The following CCDC192 variants were observed in gnomAD, a reference collection of about 807,000 sequenced individuals.
The protein encoded by CCDC192 is coiled-coil domain-containing protein 192.
chr5:127,725,139 T>G (rs1051145417), intron 2 of CCDC192, among the ~76,000 whole-genome samples: 2 of 152,202 alleles, frequency 1.3e-5, no homozygotes, highest in African/African-American at 4.8e-5. Flanking sequence ...ATATATGCAA[T>G]TAGCAAAAGA....
At chr5:127,809,344 TC>T (rs1225884217) in intron 5 of CCDC192, among the ~76,000 whole-genome samples, 9 of 152,292 alleles carry the variant, frequency 5.9e-5, no homozygotes, top group Non-Finnish European at 8.8e-5. Context: ...AGTTCTAACT[TC>T]CCATGCAATA....
At chr5:127,753,768 C>G (rs749497148) in intron 2 of CCDC192, among the ~76,000 whole-genome samples, 3 of 151,748 alleles carry the variant, frequency 2.0e-5, no homozygotes, top group African/African-American at 4.8e-5. Context: ...TAGCCAGGCT[C>G]TGGGGAAGAA....
At chr5:127,706,314 G>A (rs991094714) in intron 1 of CCDC192, among the ~76,000 whole-genome samples, 5 of 152,036 alleles carry the variant, frequency 3.3e-5, no homozygotes, top group Non-Finnish European at 5.9e-5. Flanking sequence ...GGATCATGAG[G>A]TTAAGAGATC....
In CCDC192 at chr5:127,854,712, G is replaced by T. The variant is rs182605785; in HGVS notation, c.412-20826G>T. On this transcript the variant is annotated intron_variant, in intron 5 of 6. Transcript: ENST00000514853. ...ACACGCATACCTCAGAGATACTGCA[G>T]GTTTGATTCCATACCACCACAGTAA... Among the ~76,000 whole-genome samples, 521 of 152,184 alleles carry T rather than the reference G, an allele frequency of 3.4e-3. 5 individuals carry two copies. The highest frequency in any genetic ancestry group is 0.014 in the Middle Eastern group (4 of 294).
intron 5 of CCDC192, among the ~76,000 whole-genome samples, chr5:127,809,000 G>C (rs1757939989): frequency 6.6e-6 from 1 of 152,058 alleles, no homozygotes; most frequent in Admixed American, 6.6e-5. Flanking sequence ...AAGATACTAA[G>C]AGATTTATTT....
At chr5:127,822,262 C>T (rs2127022177) in intron 5 of CCDC192, among the ~76,000 whole-genome samples, 1 of 152,292 alleles carries the variant, frequency 6.6e-6, no homozygotes, top group East Asian at 1.9e-4. Flanking sequence ...CTGAAGAAAG[C>T]CTTTTCTATT....
intron 5 of CCDC192, among the ~76,000 whole-genome samples, chr5:127,834,579 A>G (rs1022769032): frequency 2.0e-5 from 3 of 152,234 alleles, no homozygotes; most frequent in Non-Finnish European, 4.4e-5. Flanking sequence ...TTATAGTATT[A>G]CATGCGATAT....
chr5:127,862,805 T>C (rs1447652810), intron 5 of CCDC192, among the ~76,000 whole-genome samples: 1 of 152,184 alleles, frequency 6.6e-6, no homozygotes, highest in Non-Finnish European at 1.5e-5. Context: ...TTTCTTATAC[T>C]AATGCTTTGA....
At chr5:127,742,482 C>T (rs1409380099) in intron 2 of CCDC192, among the ~76,000 whole-genome samples, 1 of 152,144 alleles carries the variant, frequency 6.6e-6, no homozygotes, top group East Asian at 1.9e-4. Flanking sequence ...ATATAGAATA[C>T]AGGTGCATCT....
intron 2 of CCDC192, among the ~76,000 whole-genome samples, chr5:127,747,221 G>C (rs928898893): frequency 1.3e-5 from 2 of 151,764 alleles, no homozygotes; most frequent in African/African-American, 4.8e-5. Context: ...TCGTCATCTA[G>C]CATTAGGTAT....
intron 3 of CCDC192, among the ~76,000 whole-genome samples, chr5:127,772,388 T>C (rs1755606167): frequency 6.8e-6 from 1 of 147,196 alleles, no homozygotes; most frequent in African/African-American, 2.5e-5. Flanking sequence ...GAACCTGTGT[T>C]GGGGGGGTGC....
At chr5:127,784,839 T>G (rs1381359059) in intron 3 of CCDC192, 6 of 461,778 alleles carry the variant, frequency 1.3e-5, no homozygotes, top group Non-Finnish European at 2.1e-5. Flanking sequence ...TCCTCAATAT[T>G]TTTGTTTGTG....
chr5:127,805,029 A>G (rs1426331781), intron 5 of CCDC192, among the ~76,000 whole-genome samples: 2 of 152,166 alleles, frequency 1.3e-5, no homozygotes, highest in African/African-American at 4.8e-5. Flanking sequence ...GCAGTAGCAC[A>G]CAACACATGT....
intron 2 of CCDC192, among the ~76,000 whole-genome samples, chr5:127,753,092 A>T (rs974659062): frequency 1.3e-5 from 2 of 151,998 alleles, no homozygotes; most frequent in African/African-American, 4.8e-5. Context: ...TCAGGCTGGG[A>T]GCTGTGGACC....
intron 3 of CCDC192, among the ~76,000 whole-genome samples, chr5:127,777,799 C>A (rs1755957269): frequency 6.6e-6 from 1 of 152,106 alleles, no homozygotes; most frequent in Non-Finnish European, 1.5e-5. Flanking sequence ...TCTCTTTTTG[C>A]CAGCTGCCAT....
At chr5:127,792,575 G>A (rs1252583800) in intron 3 of CCDC192, among the ~76,000 whole-genome samples, 1 of 150,448 alleles carries the variant, frequency 6.6e-6, no homozygotes, top group Non-Finnish European at 1.5e-5. Flanking sequence ...ATGTGGTGGT[G>A]TGCAGCTGTA....
At position 127,891,664 on chromosome 5, in the gene CCDC192, T is replaced by C. The variant is rs550435783; in HGVS notation, c.535+16003T>C. 1.2e-3 allele frequency among the ~76,000 whole-genome samples: 188 copies of C among 152,310 alleles called. 3 individuals are homozygous for C. Among genetic ancestry groups the C allele is most frequent in the Middle Eastern group, 6.8e-3 (2 of 294 alleles). On this transcript the variant is annotated intron_variant, in intron 6 of 6. Transcript: ENST00000514853. Reference sequence around the variant, plus strand: ...AACATGTTGGTATTTCACATCTCTGTAAAAACTTCCTTTGATGCCTCATTT... The same window carrying C: ...AACATGTTGGTATTTCACATCTCTGCAAAAACTTCCTTTGATGCCTCATTT...
At chr5:127,814,964 T>C (rs1369665742) in intron 5 of CCDC192, among the ~76,000 whole-genome samples, 2 of 152,226 alleles carry the variant, frequency 1.3e-5, no homozygotes, top group African/African-American at 4.8e-5. Context: ...TTTATTTTTA[T>C]TTTCAAGACA....
At chr5:127,834,373 C>T (rs1749940334) in intron 5 of CCDC192, among the ~76,000 whole-genome samples, 1 of 152,182 alleles carries the variant, frequency 6.6e-6, no homozygotes, top group South Asian at 2.1e-4. Context: ...TACTCATCAA[C>T]TGAATACTCC....
Sources: gnomAD v4.1 joint callset for allele counts (sites outside exome capture counted in the v4.1 genomes callset) on GRCh38, gnomAD v4.1.1 for gene constraint, MANE v1.5 for transcripts, NCBI Gene and HGNC (gene_info 2026-07-23, HGNC 2026-07-21) for gene names.